NLGN4X: variants seen among roughly 807,000 people sequenced by gnomAD.
The protein encoded by NLGN4X is neuroligin 4 X-linked.
Under a neutral mutation model 40.3 loss-of-function variants are expected in NLGN4X, and 3 were observed. The observed-to-expected ratio is 0.07, with a 90% CI of 0.03 to 0.19. NLGN4X has a LOEUF of 0.19. NLGN4X is among the 10% of genes least tolerant of loss of function. The pLI is 1.00. For missense variants in NLGN4X, 382 were observed against 708.3 expected (o/e 0.54, Z 5.23); for synonymous variants, 270 against 306.8 (o/e 0.88, Z 1.25).
intron 3 of NLGN4X, among the ~76,000 whole-genome samples, chrX:5,924,288 G>A (rs1422357970): frequency 9.2e-6 from 1 of 108,219 alleles, no homozygotes; most frequent in Admixed American, 1.0e-4. Context: ...ATCCTATTAG[G>A]TTCAACATAT....
chrX:6,002,057 T>C (rs984626526), intron 3 of NLGN4X, among the ~76,000 whole-genome samples: 1 of 111,126 alleles, frequency 9.0e-6, no homozygotes, highest in Non-Finnish European at 1.9e-5. Flanking sequence ...ACATGTGTAA[T>C]GACTTCCTGT....
chrX:6,138,139 C>G (rs189143819), intron 2 of NLGN4X, among the ~76,000 whole-genome samples: 223 of 111,949 alleles, frequency 2.0e-3, no homozygotes, highest in African/African-American at 7.0e-3. Flanking sequence ...TTTTTAATTT[C>G]TAAGGCATAT....
At chrX:6,227,971 G>T (rs1019149782) in intron 1 of NLGN4X, 158 of 113,033 alleles carry the variant, frequency 1.4e-3, no homozygotes, top group African/African-American at 4.6e-3. Flanking sequence ...GGGGGGGGTG[G>T]GGGGGGAGAG....
intron 3 of NLGN4X, among the ~76,000 whole-genome samples, chrX:5,977,464 C>T (rs1305991199): frequency 9.0e-6 from 1 of 111,154 alleles, no homozygotes. Context: ...TCATGGGATC[C>T]TCCTGCCTTG....
rs60922455 is a variant in NLGN4X, at chrX:5,921,148, C to CATATAT, written c.626-11915_626-11910dup. 9.8e-3 allele frequency among the ~76,000 whole-genome samples: 892 copies of CATATAT among 90,980 alleles called. 16 individuals carry two copies. Among genetic ancestry groups the CATATAT allele is most frequent in the African/African-American group, 0.028 (693 of 24,879 alleles). 79.0% of individuals were successfully genotyped at this position (90,980 alleles called of 115,157 possible). ...TAAGTATTTTTTATATATATATATA[C>CATATAT]ATATATATATATATATATATATTAG... On this transcript the variant is annotated intron_variant, in intron 3 of 5. Transcript: ENST00000381095.
At chrX:6,038,521 G>A (rs1403035024) in intron 2 of NLGN4X, among the ~76,000 whole-genome samples, 1 of 112,998 alleles carries the variant, frequency 8.8e-6, no homozygotes, top group East Asian at 2.8e-4. Flanking sequence ...ATCATTTACC[G>A]ATGGGCTTCA....
At chrX:6,189,647 G>A (rs200556656) in intron 1 of NLGN4X, among the ~76,000 whole-genome samples, 6 of 111,533 alleles carry the variant, frequency 5.4e-5, no homozygotes, top group African/African-American at 9.8e-5. Context: ...GCTGTGACTC[G>A]TCTATAGCTC....
intron 2 of NLGN4X, among the ~76,000 whole-genome samples, chrX:6,113,118 C>T (rs957594814): frequency 9.0e-6 from 1 of 110,643 alleles, no homozygotes; most frequent in African/African-American, 3.3e-5. Context: ...CTCAAGGAGA[C>T]ATGACGGCTA....
At chrX:5,932,773 A>T (rs186242403) in intron 3 of NLGN4X, among the ~76,000 whole-genome samples, 31 of 111,071 alleles carry the variant, frequency 2.8e-4, no homozygotes, top group East Asian at 2.0e-3. Flanking sequence ...TTTGTTAGAG[A>T]TACCAGGATC....
At chrX:6,161,441 C>T (rs1339768111) in intron 1 of NLGN4X, among the ~76,000 whole-genome samples, 6 of 80,581 alleles carry the variant, frequency 7.4e-5, no homozygotes, top group Admixed American at 3.2e-4. Flanking sequence ...TATTATTCTA[C>T]ATATAGAATA....
At chrX:5,961,237 T>A (rs1170913750) in intron 3 of NLGN4X, among the ~76,000 whole-genome samples, 2 of 111,991 alleles carry the variant, frequency 1.8e-5, no homozygotes, top group Non-Finnish European at 3.8e-5. Flanking sequence ...TTGTGAATAA[T>A]GCTTTTTGTA....
chrX:6,187,368 G>T (rs750229331), intron 1 of NLGN4X: 1 of 107,947 alleles, frequency 9.3e-6, no homozygotes, highest in African/African-American at 3.4e-5. Flanking sequence ...AGCTACCCCG[G>T]AGGCTGAGGC....
At chrX:5,952,498 A>G (rs1279137951) in intron 3 of NLGN4X, among the ~76,000 whole-genome samples, 1 of 110,058 alleles carries the variant, frequency 9.1e-6, no homozygotes, top group African/African-American at 3.3e-5. Flanking sequence ...GTGGCTGTGA[A>G]TAGGTCTCGG....
At chrX:6,211,602 ATATGAT>A (rs1179171400) in intron 1 of NLGN4X, among the ~76,000 whole-genome samples, 2 of 111,867 alleles carry the variant, frequency 1.8e-5, no homozygotes, top group East Asian at 5.6e-4. Flanking sequence ...ACAAAAATAG[ATATGAT>A]TAAGATATAG....
rs764848306 is a variant in NLGN4X at position 6,119,413 on chromosome X, G to T, written c.472+31582C>A. On this transcript the variant is annotated intron_variant, in intron 2 of 5. Transcript: ENST00000381095. ...GTAAATACTAAACTTTTGAGTATGTGATCCCAAATTCTTAATGCAAAAAGC... is the reference window on the plus strand; with the variant it reads ...GTAAATACTAAACTTTTGAGTATGTTATCCCAAATTCTTAATGCAAAAAGC... Among the ~76,000 whole-genome samples the T allele has an allele frequency of 2.7e-5, 3 of 112,034 alleles. No individual in the cohort carries two copies. The South Asian group carries it at 1.1e-3, about 42-fold the overall frequency.
At chrX:6,132,770 T>C (rs1297884247) in intron 2 of NLGN4X, among the ~76,000 whole-genome samples, 16 of 111,323 alleles carry the variant, frequency 1.4e-4, no homozygotes, top group African/African-American at 5.2e-4. Flanking sequence ...TCCAGCATCA[T>C]TGCTCCCTGT....
At chrX:6,004,860 G>C (rs181595633) in intron 3 of NLGN4X, among the ~76,000 whole-genome samples, 2 of 111,574 alleles carry the variant, frequency 1.8e-5, no homozygotes, top group African/African-American at 3.3e-5. Context: ...AGACTGTAAC[G>C]TTTCACGTTC....
chrX:5,957,755 CCAAGAG>C (rs1161739087), intron 3 of NLGN4X, among the ~76,000 whole-genome samples: 1 of 111,883 alleles, frequency 8.9e-6, no homozygotes, highest in Non-Finnish European at 1.9e-5. Flanking sequence ...AAAAACCACA[CCAAGAG>C]CAACAGCGAT....
At chrX:5,917,394 C>T (rs1259267004) in intron 3 of NLGN4X, among the ~76,000 whole-genome samples, 2 of 112,618 alleles carry the variant, frequency 1.8e-5, no homozygotes, top group African/African-American at 6.4e-5. Context: ...CAGTAAATGG[C>T]TTTCAATGAA....
Sources: allele counts gnomAD v4.1 joint callset (sites outside exome capture counted in the v4.1 genomes callset), GRCh38; gene constraint gnomAD v4.1.1; transcripts MANE v1.5; gene names NCBI Gene and HGNC (gene_info 2026-07-23, HGNC 2026-07-21).